NEGR1: variants seen among roughly 807,000 people sequenced by gnomAD.
The protein encoded by NEGR1 is IgLON family member 4.
Under a neutral mutation model 40.9 loss-of-function variants are expected in NEGR1, and 10 were observed. That is an observed-to-expected ratio of 0.24 (90% CI 0.15 to 0.42). The LOEUF is 0.42. Among genes scored for constraint, NEGR1 ranks in the 10% least tolerant of loss-of-function variants. The probability of loss-of-function intolerance (pLI) is 1.00; values close to 1 mark genes in which losing one functional copy is unlikely to be tolerated. For synonymous variants in NEGR1, 185 were observed against 166.8 expected, an observed-to-expected ratio of 1.11 and a Z score of -0.84; for missense variants, 352 against 438.9, an observed-to-expected ratio of 0.80 and a Z score of 1.77.
intron 3 of NEGR1, among the ~76,000 whole-genome samples, chr1:71,736,322 G>C (rs1157431191): frequency 6.6e-6 from 1 of 151,986 alleles, no homozygotes; most frequent in Non-Finnish European, 1.5e-5. Context: ...TAAAGATCTT[G>C]TATACTTTCA....
At chr1:71,575,890 C>T (rs1648952133) in intron 6 of NEGR1, among the ~76,000 whole-genome samples, 1 of 152,202 alleles carries the variant, frequency 6.6e-6, no homozygotes, top group Admixed American at 6.5e-5. Context: ...TGGAAGGCTA[C>T]TAGGTTTTTG....
At chr1:71,884,188 G>T (rs753637476) in intron 2 of NEGR1, among the ~76,000 whole-genome samples, 1 of 151,910 alleles carries the variant, frequency 6.6e-6, no homozygotes, top group African/African-American at 2.4e-5. Context: ...ATTGGTTATT[G>T]TTTCCTCCAC....
At chr1:71,581,676 T>C (rs1649138502) in intron 6 of NEGR1, among the ~76,000 whole-genome samples, 1 of 150,650 alleles carries the variant, frequency 6.6e-6, no homozygotes, top group Admixed American at 6.7e-5. Flanking sequence ...TTTCTTACTA[T>C]TTGTAAGTCT....
chr1:71,644,152 A>G (rs928225670), intron 4 of NEGR1, among the ~76,000 whole-genome samples: 1 of 151,880 alleles, frequency 6.6e-6, no homozygotes, highest in Non-Finnish European at 1.5e-5. Context: ...GGCCTTTGTG[A>G]TCCCCTGACT....
At chr1:71,624,020 A>T (rs1480194901) in intron 4 of NEGR1, among the ~76,000 whole-genome samples, 1 of 151,940 alleles carries the variant, frequency 6.6e-6, no homozygotes, top group Non-Finnish European at 1.5e-5. Context: ...GAATACATAC[A>T]CATTTTGCTC....
intron 6 of NEGR1, chr1:71,408,683 T>C (rs901095272): frequency 1.3e-5 from 2 of 151,946 alleles, no homozygotes; most frequent in Non-Finnish European, 2.9e-5. Flanking sequence ...ATAATTGTAA[T>C]AACAAAAAAC....
intron 3 of NEGR1, among the ~76,000 whole-genome samples, chr1:71,709,658 T>G (rs1654015685): frequency 1.3e-5 from 2 of 152,150 alleles, no homozygotes; most frequent in African/African-American, 4.8e-5. Flanking sequence ...AAACTGGATA[T>G]TCATACATAA....
intron 3 of NEGR1, among the ~76,000 whole-genome samples, chr1:71,716,330 A>G (rs1654276015): frequency 6.6e-6 from 1 of 152,110 alleles, no homozygotes; most frequent in Admixed American, 6.5e-5. Context: ...CATATCACCT[A>G]TCTTCTAGGG....
chr1:71,523,106 T>G (rs936793690), intron 6 of NEGR1, among the ~76,000 whole-genome samples: 1 of 151,908 alleles, frequency 6.6e-6, no homozygotes, highest in Non-Finnish European at 1.5e-5. Context: ...AGCATTTTAT[T>G]AAATAAAAGT....
chr1:72,069,400 G>A (rs1647367522), intron 1 of NEGR1, among the ~76,000 whole-genome samples: 1 of 151,596 alleles, frequency 6.6e-6, no homozygotes, highest in Non-Finnish European at 1.5e-5. Context: ...ACCAGGATTG[G>A]GCCACTGCAC....
At chr1:71,445,749 T>A (rs1268330923) in intron 6 of NEGR1, among the ~76,000 whole-genome samples, 1 of 152,208 alleles carries the variant, frequency 6.6e-6, no homozygotes, top group African/African-American at 2.4e-5. Flanking sequence ...GCAATTGGCT[T>A]CCTGATGGGA....
intron 2 of NEGR1, among the ~76,000 whole-genome samples, chr1:71,804,598 T>C (rs1657684866): frequency 1.3e-5 from 2 of 152,234 alleles, no homozygotes; most frequent in African/African-American, 2.4e-5. Context: ...CTGCAATCTC[T>C]GAACATAAAT....
At chr1:72,204,327 A>AT (rs945688623) in intron 1 of NEGR1, among the ~76,000 whole-genome samples, 2 of 151,922 alleles carry the variant, frequency 1.3e-5, no homozygotes, top group African/African-American at 4.8e-5. Flanking sequence ...CTTCCTCACC[A>AT]TTTTTTCCCT....
chr1:71,931,685 T>A (rs961213209), intron 2 of NEGR1, among the ~76,000 whole-genome samples: 1 of 152,194 alleles, frequency 6.6e-6, no homozygotes, highest in Non-Finnish European at 1.5e-5. Context: ...AACCAGCTTT[T>A]ATTTGACTGC....
intron 4 of NEGR1, among the ~76,000 whole-genome samples, chr1:71,689,746 G>C (rs1032534694): frequency 2.0e-5 from 3 of 150,098 alleles, no homozygotes; most frequent in Non-Finnish European, 3.0e-5. Context: ...AGAAATAAGA[G>C]GAAAGAGAGG....
intron 6 of NEGR1, among the ~76,000 whole-genome samples, chr1:71,562,979 T>G (rs1227738441): frequency 4.6e-5 from 7 of 151,980 alleles, no homozygotes; most frequent in Non-Finnish European, 8.8e-5. Context: ...TTCTGCTATT[T>G]CATTGGCCAA....
At position 71,404,713 on chromosome 1, in the gene NEGR1, T is replaced by A. The variant is rs1287652285; in HGVS notation, c.*2733A>T. 1 of 151,054 alleles carries A rather than the reference T, an allele frequency of 6.6e-6. No homozygotes were observed. Among genetic ancestry groups the A allele is most frequent in the Non-Finnish European group, 1.5e-5 (1 of 67,520 alleles). 9.4% of individuals were successfully genotyped at this position (151,054 alleles called of 1,614,324 possible). A position where few individuals can be genotyped will look rare whatever the true frequency, so the allele number is the denominator to read the frequency against. On this transcript the variant is annotated 3_prime_UTR_variant, in exon 7 of 7. Coordinates refer to ENST00000357731, the MANE Select transcript of NEGR1 (RefSeq NM_173808.3). ...AAAAAAATAGGGGCAACAAAAGGAG[T>A]CCCACAAGTGGAACTTGTAGAAAAT...
At chr1:71,829,997 ATCT>A (rs1393056880) in intron 2 of NEGR1, among the ~76,000 whole-genome samples, 3 of 151,846 alleles carry the variant, frequency 2.0e-5, no homozygotes, top group Non-Finnish European at 2.9e-5. Context: ...CTCTGGTCTA[ATCT>A]TCTTTAGGGA....
intron 1 of NEGR1, among the ~76,000 whole-genome samples, chr1:72,105,441 C>T (rs1649098190): frequency 6.6e-6 from 1 of 151,920 alleles, no homozygotes; most frequent in Admixed American, 6.6e-5. Flanking sequence ...TGGCTCAAGC[C>T]TGCAATTCCT....
Sources: gnomAD v4.1 joint callset for allele counts (sites outside exome capture counted in the v4.1 genomes callset) on GRCh38, gnomAD v4.1.1 for gene constraint, MANE v1.5 for transcripts, NCBI Gene and HGNC (gene_info 2026-07-23, HGNC 2026-07-21) for gene names.